Variants in APBB1 observed in about 807,000 individuals in gnomAD.
The protein encoded by APBB1 is adaptor protein FE65a2.
APBB1 carries 22 observed loss-of-function variants against 78.4 expected under a neutral mutation model. That is an observed-to-expected ratio of 0.28 (90% confidence interval 0.20 to 0.40). APBB1 has a LOEUF of 0.40. APBB1 is among the 10% of genes least tolerant of loss of function. APBB1 has a pLI of 1.00. For missense variants in APBB1, 749 were observed against 932.4 expected, an observed-to-expected ratio of 0.80 and a Z score of 2.56; for synonymous variants, 369 against 372.7, an observed-to-expected ratio of 0.99 and a Z score of 0.12.
In APBB1 at chr11:6,411,322, T is replaced by G; in HGVS notation, c.26A>C (p.Gln9Pro). 2 of 1,551,686 alleles carry G rather than the reference T, an allele frequency of 1.3e-6. No homozygotes were observed. The highest frequency in any genetic ancestry group is 1.7e-6 in the Non-Finnish European group (2 of 1,149,560). Residue 9 changes from glutamine (Q) to proline (P), a missense_variant, in exon 2 of 15, where the codon CAG becomes CCG. This residue lies in a region of APBB1 where 635 missense variants were observed against 765.0 expected (regional missense o/e 0.83). Coordinates refer to ENST00000609360, the MANE Select transcript of APBB1 (RefSeq NM_001164.5). The surrounding 1 kb of genome is among the most constrained non-coding windows in gnomAD (Gnocchi z 5.2). ...GTGGCTGTTGGCATTAATGGCCGAC[T>G]GGCTCAGTGATGATGGAACAGACAT... MSVPSSLS[Q>P]SAINANSHGG...
chr11:6,405,878 G>A (rs1275457133), intron 2 of APBB1, among the ~76,000 whole-genome samples: 1 of 152,168 alleles, frequency 6.6e-6, no homozygotes, highest in African/African-American at 2.4e-5. Context: ...AACCTTCCAG[G>A]AACAGCACCC....
Position 6,401,950 on chromosome 11 carries a change from G to A in APBB1, c.1388+27C>T, listed in dbSNP as rs1848538777. On this transcript the variant is annotated intron_variant, in intron 9 of 14. Transcript: ENST00000609360. The surrounding 1 kb of genome is among the most constrained non-coding windows in gnomAD (Gnocchi z 4.5). Reference sequence around the variant, plus strand: ...GTGCTTCCAGGCATCTGGTCCAGGTGTAGGAGGGGGAAAATAGGCATAGTA... The same window carrying A: ...GTGCTTCCAGGCATCTGGTCCAGGTATAGGAGGGGGAAAATAGGCATAGTA... 6 of 1,555,320 alleles carry A rather than the reference G, an allele frequency of 3.9e-6. No individual in the cohort carries two copies. The highest frequency in any genetic ancestry group is 1.8e-5 in the Admixed American group (1 of 57,088).
rs906152344 is a variant in APBB1, at chr11:6,396,165, G to A, written c.1723C>T (p.Arg575Cys). 7.7e-6 allele frequency: 12 copies of A among 1,551,786 alleles called. No homozygotes were observed. The highest frequency in any genetic ancestry group is 9.6e-6 in the Non-Finnish European group (11 of 1,147,288). ...ACATGACTTGGGGTCCATTGTTCACGGCTGCTGGAGGACAGGACTGACTCG... is the reference window on the plus strand; with the variant it reads ...ACATGACTTGGGGTCCATTGTTCACAGCTGCTGGAGGACAGGACTGACTCG... ...ALESVLSSSS[R>C]EQWTPSHVSV... The change falls in exon 13 of 15, where the codon CGT becomes TGT. Residue 575 changes from arginine (R) to cysteine (C), a missense_variant. Transcript: ENST00000609360.
chr11:6,395,937 C>T lies in APBB1; in HGVS notation c.1814G>A (p.Arg605Gln), dbSNP rs755062917. Reference sequence around the variant, plus strand: ...GGCCAGGAAGGAGAGGAAACGCACCCGACACTCTCCCAGCACTGCCTCTGT... The same window carrying T: ...GGCCAGGAAGGAGAGGAAACGCACCTGACACTCTCCCAGCACTGCCTCTGT... ...QQTEAVLGECRVRFLSFLAVG... is the reference protein window; with the variant it reads ...QQTEAVLGECQVRFLSFLAVG... Residue 605 changes from arginine to glutamine, a missense_variant, in exon 14 of 15, where the codon CGG becomes CAG. By Grantham distance (43) the Arg-to-Gln change is conservative. Coordinates refer to ENST00000609360, the MANE Select transcript of APBB1 (RefSeq NM_001164.5). This position sits in a 1 kb window ranked among gnomAD's most constrained non-coding sequence, Gnocchi z 5.2. 9 of 1,613,802 alleles carry T rather than the reference C, an allele frequency of 5.6e-6. No individual in the cohort carries two copies. Among genetic ancestry groups the T allele is most frequent in the Non-Finnish European group, 7.6e-6 (9 of 1,179,954 alleles).
chr11:6,406,165 C>CA (rs998890801), intron 2 of APBB1, among the ~76,000 whole-genome samples: 1 of 152,248 alleles, frequency 6.6e-6, no homozygotes, highest in Admixed American at 6.5e-5. Flanking sequence ...CTTTCACACA[C>CA]ATGCATTTAT....
In APBB1 at chr11:6,411,463, C is replaced by CTTAGTGCAGGGAG; in HGVS notation, c.-14-103_-14-102insCTCCCTGCACTAA. 9.4e-6 allele frequency: 10 copies of CTTAGTGCAGGGAG among 1,063,898 alleles called. No homozygotes were observed. Among genetic ancestry groups the CTTAGTGCAGGGAG allele is most frequent in the Non-Finnish European group, 1.3e-5 (10 of 746,088 alleles). The allele number at this position is 1,063,898 out of a possible 1,614,324, so 65.9% of individuals were successfully genotyped here. On this transcript the variant is annotated intron_variant, in intron 1 of 14. Coordinates refer to ENST00000609360, the MANE Select transcript of APBB1 (RefSeq NM_001164.5). The surrounding 1 kb of genome is among the most constrained non-coding windows in gnomAD (Gnocchi z 5.2). ...TGCCCTGTGCCTCCTCATCTCCCTG[C>CTTAGTGCAGGGAG]ACTAAGCAGGCTAGCACCCATGGCT...
intron 2 of APBB1, among the ~76,000 whole-genome samples, chr11:6,407,998 C>T (rs55856971): frequency 0.011 from 1,661 of 152,084 alleles, 38 homozygotes; most frequent in African/African-American, 0.037. Flanking sequence ...CCAGTATGGT[C>T]TCGATCTCCT....
chr11:6,405,079 G>A lies in APBB1; in HGVS notation c.722-1257C>T, dbSNP rs1487100220. 9 of 1,375,718 alleles carry A rather than the reference G, an allele frequency of 6.5e-6. No individual in the cohort carries two copies. In the Admixed American group the frequency reaches 1.3e-4, roughly 20 times the overall value. The allele number at this position is 1,375,718 out of a possible 1,614,324, so 85.2% of individuals were successfully genotyped here. ...CTTCTGCTCACACCTCTTCTTCCTCGCCCTGGCTCCCCTCCCCCAATCCTG... is the reference window on the plus strand; with the variant it reads ...CTTCTGCTCACACCTCTTCTTCCTCACCCTGGCTCCCCTCCCCCAATCCTG... On this transcript the variant is annotated intron_variant, in intron 2 of 14. Transcript: ENST00000609360.
At chr11:6,407,123 C>T (rs1037303781) in intron 2 of APBB1, among the ~76,000 whole-genome samples, 2 of 152,230 alleles carry the variant, frequency 1.3e-5, no homozygotes, top group Non-Finnish European at 2.9e-5. Context: ...ATTCTAGCCT[C>T]ATTTCTGCAG....
Position 6,395,619 on chromosome 11 carries a change from C to T in APBB1, c.2048G>A (p.Arg683Gln), listed in dbSNP as rs750974019. ...CCTGCGGACAGTCCACCCTACACGC[C>T]GTGCCACAGACTCAGCAGGGGGTGC... ...LPAPPAESVA[R>Q]RVGWTVRRGV... The change falls in exon 15 of 15, where the codon CGG becomes CAG. Residue 683 changes from arginine to glutamine, a missense_variant. This residue lies in a region of APBB1 where 96 missense variants were observed against 116.0 expected (regional missense o/e 0.83). Coordinates refer to ENST00000609360, the MANE Select transcript of APBB1 (RefSeq NM_001164.5). This position sits in a 1 kb window ranked among gnomAD's most constrained non-coding sequence, Gnocchi z 5.2. The T allele has an allele frequency of 1.2e-5, 19 of 1,598,070 alleles. No homozygotes were observed. The highest frequency in any genetic ancestry group is 9.4e-5 in the African/African-American group (7 of 74,524).
chr11:6,402,777 A>G, intron 6 of APBB1, 52 bp from the exon 7 acceptor site: 1 of 1,609,134 alleles, frequency 6.2e-7, no homozygotes, highest in Non-Finnish European at 8.5e-7. Context: ...TCAAAACTGG[A>G]GAGTTCCTGA....
rs745824619 is a variant in APBB1 at position 6,403,868 on chromosome 11, G to A, written c.722-46C>T. The A allele has an allele frequency of 4.0e-6, 6 of 1,516,360 alleles. No homozygotes were observed. The highest frequency in any genetic ancestry group is 1.4e-5 in the African/African-American group (1 of 71,724). The allele number at this position is 1,516,360 out of a possible 1,614,324, so 93.9% of individuals were successfully genotyped here. A position where few individuals can be genotyped will look rare whatever the true frequency, so the allele number is the denominator to read the frequency against. On this transcript the variant is annotated intron_variant, in intron 2 of 14. Coordinates refer to ENST00000609360, the MANE Select transcript of APBB1 (RefSeq NM_001164.5). The surrounding 1 kb of genome is among the most constrained non-coding windows in gnomAD (Gnocchi z 5.3). The stretch of plus-strand genomic sequence containing the variant: ...TGAGGGTCAGCCTACCCAAAGAGCA[G>A]ACAGCTGGTGCCTATGCCCGGTCCC...
Position 6,404,711 on chromosome 11 carries a change from C to A in APBB1, c.722-889G>T, listed in dbSNP as rs564821026. 4.6e-6 allele frequency: 7 copies of A among 1,536,168 alleles called. No homozygotes were observed. The Admixed American group carries it at 1.4e-4, about 30-fold the overall frequency. On this transcript the variant is annotated intron_variant, in intron 2 of 14. Coordinates refer to ENST00000609360, the MANE Select transcript of APBB1 (RefSeq NM_001164.5). ...ACTCTTCTCTCCCTGTCAGCCCCAC[C>A]CCACATGAGGCCCAACCTCATGCTG...
intron 1 of APBB1, among the ~76,000 whole-genome samples, chr11:6,412,070 T>A (rs144894989): frequency 1.3e-5 from 2 of 152,322 alleles, no homozygotes; most frequent in East Asian, 3.9e-4. Context: ...CCAGCCCTCA[T>A]AATGCCCTGT....
At position 6,402,602 on chromosome 11, in the gene APBB1, C is replaced by T; in HGVS notation, c.1228G>A (p.Asp410Asn). ...TCCCCCCAGCCCCCAGACATGGGGT[C>T]ATGCAGGTTGTTTTTGTGGTAAGAG... The part of the protein sequence containing the change: ...QLSYHKNNLH[D>N]PMSGGWGEGK... The change falls in exon 7 of 15, where the codon GAC becomes AAC. Residue 410 changes from aspartate to asparagine, a missense_variant. Asp to Asn is a conservative substitution (Grantham distance 23). Transcript: ENST00000609360. 6.2e-7 allele frequency: 1 copy of T among 1,614,110 alleles called. No individual in the cohort carries two copies. Among genetic ancestry groups the T allele is most frequent in the Non-Finnish European group, 8.5e-7 (1 of 1,180,024 alleles).
At chr11:6,417,643 A>C (rs148022848) in intron 1 of APBB1, among the ~76,000 whole-genome samples, 2 of 152,326 alleles carry the variant, frequency 1.3e-5, no homozygotes, top group East Asian at 3.9e-4. Flanking sequence ...TAAAGTAGTC[A>C]AGGAAAAAAA....
chr11:6,405,452 G>C, intron 2 of APBB1: 2 of 987,024 alleles, frequency 2.0e-6, no homozygotes, highest in South Asian at 9.4e-5. Flanking sequence ...GGCTGGGAGC[G>C]CCCAGACTGC....
chr11:6,418,416 G>C (rs910455010), intron 1 of APBB1, among the ~76,000 whole-genome samples: 21 of 152,188 alleles, frequency 1.4e-4, no homozygotes, highest in Admixed American at 1.0e-3. Flanking sequence ...AGAGAGCTGG[G>C]ACTATAGCTA....
intron 12 of APBB1, among the ~76,000 whole-genome samples, chr11:6,399,747 G>GA (rs1455023624): frequency 2.0e-5 from 3 of 152,272 alleles, no homozygotes; most frequent in African/African-American, 7.2e-5. Context: ...TTAGGATGAA[G>GA]AAAAAATCAT....
Sources: allele counts gnomAD v4.1 joint callset (sites outside exome capture counted in the v4.1 genomes callset), GRCh38; gene constraint gnomAD v4.1.1; regional missense constraint gnomAD v4.1.1; non-coding constraint Gnocchi (gnomAD v3.1); transcripts MANE v1.5; gene names NCBI Gene and HGNC (gene_info 2026-07-23, HGNC 2026-07-21).